Variants in EPC1 observed in about 807,000 individuals in gnomAD.
EPC1 encodes the protein enhancer of polycomb 1, also known as enhancer of polycomb homolog 1.
EPC1 carries 12 observed loss-of-function variants against 98.4 expected under a neutral mutation model. That is an observed-to-expected ratio of 0.12 (90% CI 0.08 to 0.20). The LOEUF (loss-of-function observed/expected upper bound fraction) is 0.20. Ranked by LOEUF, EPC1 falls within the 10% of genes least tolerant of loss-of-function variation. The pLI is 1.00. For synonymous variants in EPC1, 357 were observed against 363.9 expected (o/e 0.98, Z 0.21); for missense variants, 729 against 990.5 (o/e 0.74, Z 3.54).
At chr10:32,301,319 T>A (rs978468504) in intron 2 of EPC1, among the ~76,000 whole-genome samples, 2 of 152,206 alleles carry the variant, frequency 1.3e-5, no homozygotes, top group South Asian at 2.1e-4. Flanking sequence ...ATTGTGTTCA[T>A]GACCTGGAAG....
intron 2 of EPC1, among the ~76,000 whole-genome samples, chr10:32,295,714 A>T (rs577897495): frequency 1.3e-5 from 2 of 152,212 alleles, no homozygotes; most frequent in East Asian, 3.8e-4. Context: ...CGGCTAACTG[A>T]ATTTATATTA....
At position 32,268,463 on chromosome 10, in the gene EPC1, A is replaced by G. The variant is rs1446444595; in HGVS notation, c.*600T>C. On this transcript the variant is annotated 3_prime_UTR_variant, in exon 14 of 14. Coordinates refer to ENST00000319778, the MANE Select transcript of EPC1 (RefSeq NM_001272004.3). ...CCTTTTTTTTTTTTTTTTTTTTTGT[A>G]AAATTCTGTATGTATGTCACCATTT... 2.2e-5 allele frequency: 2 copies of G among 91,464 alleles called. No individual in the cohort carries two copies. The highest frequency in any genetic ancestry group is 1.2e-4 in the Admixed American group (1 of 8,180). The allele number at this position is 91,464 out of a possible 1,614,324, so 5.7% of individuals were successfully genotyped here.
chr10:32,343,694 T>G (rs1057347513), intron 1 of EPC1, among the ~76,000 whole-genome samples: 13 of 142,868 alleles, frequency 9.1e-5, no homozygotes, highest in East Asian at 4.1e-4. Flanking sequence ...CAAATTATTT[T>G]GGGGGGGGGG....
chr10:32,338,033 A>AC (rs1200383582), intron 1 of EPC1, among the ~76,000 whole-genome samples: 1 of 152,166 alleles, frequency 6.6e-6, no homozygotes, highest in East Asian at 1.9e-4. Context: ...AGACTCTCAG[A>AC]TTTATAGGAC....
At chr10:32,279,911 A>G (rs1187848932) in intron 10 of EPC1, among the ~76,000 whole-genome samples, 1 of 152,146 alleles carries the variant, frequency 6.6e-6, no homozygotes. Context: ...CCAAAATTCC[A>G]TATACACATA....
intron 1 of EPC1, among the ~76,000 whole-genome samples, chr10:32,373,656 T>G (rs1839811547): frequency 6.6e-6 from 1 of 152,174 alleles, no homozygotes; most frequent in African/African-American, 2.4e-5. Flanking sequence ...TACAACAAGA[T>G]GAATAAGAGT....
chr10:32,302,672 G>T (rs565860087), intron 2 of EPC1, among the ~76,000 whole-genome samples: 4 of 150,312 alleles, frequency 2.7e-5, no homozygotes, highest in South Asian at 2.1e-4. Flanking sequence ...AAAGGAGGGT[G>T]GGGGAGCGGC....
At chr10:32,351,876 G>A (rs986369123), upstream of EPC1, among the ~76,000 whole-genome samples, 1 of 147,716 alleles carries the variant, frequency 6.8e-6, no homozygotes, top group Non-Finnish European at 1.5e-5. Flanking sequence ...GATTACAAGT[G>A]TGCGCCATCA....
intron 1 of EPC1, among the ~76,000 whole-genome samples, chr10:32,344,267 T>G (rs1838593726): frequency 6.6e-6 from 1 of 152,258 alleles, no homozygotes; most frequent in African/African-American, 2.4e-5. Context: ...ACCACAGGAC[T>G]GTAAAGCAGC....
intron 1 of EPC1, among the ~76,000 whole-genome samples, chr10:32,372,510 T>C (rs1246879287): frequency 1.3e-5 from 2 of 152,248 alleles, no homozygotes; most frequent in Non-Finnish European, 2.9e-5. Flanking sequence ...TTCTTTTCCC[T>C]GTAAAAATTT....
chr10:32,378,508 A>G, exon 1 of EPC1: 2 of 1,543,926 alleles, frequency 1.3e-6, no homozygotes, highest in Non-Finnish European at 1.8e-6. Flanking sequence ...GCAGGCAAAG[A>G]AGACGGCAGT....
At chr10:32,316,898 C>G (rs193083173) in intron 1 of EPC1, among the ~76,000 whole-genome samples, 61 of 152,278 alleles carry the variant, frequency 4.0e-4, no homozygotes, top group African/African-American at 1.4e-3. Context: ...GTGTAATTTA[C>G]TTTAAATGCC....
chr10:32,319,390 TTG>T (rs1428199225), intron 1 of EPC1, among the ~76,000 whole-genome samples: 1 of 152,130 alleles, frequency 6.6e-6, no homozygotes, highest in Non-Finnish European at 1.5e-5. Flanking sequence ...GATTGCTTAT[TTG>T]TTGTAAGGGA....
rs145378154 is a variant in EPC1 at position 32,297,375 on chromosome 10, G to A, written c.314-3638C>T. 3.6e-3 allele frequency among the ~76,000 whole-genome samples: 547 copies of A among 150,478 alleles called. 5 individuals are homozygous for A. Among genetic ancestry groups the A allele is most frequent in the African/African-American group, 0.013 (519 of 40,988 alleles). On this transcript the variant is annotated intron_variant, in intron 2 of 13. Transcript: ENST00000319778. The stretch of plus-strand genomic sequence containing the variant: ...TAGCTCACTGCAACCTCCGCCTCTC[G>A]GGTTCAAGCGATATTCCTGCCTCAC...
chr10:32,314,205 T>C (rs1295085877), intron 1 of EPC1, among the ~76,000 whole-genome samples: 1 of 152,220 alleles, frequency 6.6e-6, no homozygotes, highest in East Asian at 1.9e-4. Flanking sequence ...AGATGAACCA[T>C]AGCTTATAAT....
chr10:32,338,898 A>G (rs1838145445), intron 1 of EPC1, among the ~76,000 whole-genome samples: 1 of 151,632 alleles, frequency 6.6e-6, no homozygotes, highest in African/African-American at 2.4e-5. Flanking sequence ...AGATCACACC[A>G]CTACACTCCA....
At chr10:32,324,583 C>T (rs1218561024) in intron 1 of EPC1, among the ~76,000 whole-genome samples, 1 of 151,218 alleles carries the variant, frequency 6.6e-6, no homozygotes, top group Non-Finnish European at 1.5e-5. Context: ...CTCTTATTTA[C>T]TTAATAAATA....
At chr10:32,336,608 T>A (rs551834660) in intron 1 of EPC1, among the ~76,000 whole-genome samples, 1 of 152,268 alleles carries the variant, frequency 6.6e-6, no homozygotes, top group Non-Finnish European at 1.5e-5. Context: ...CTCTGAAGGT[T>A]CTCCCTCACT....
chr10:32,290,752 T>C (rs1156922348), intron 6 of EPC1, among the ~76,000 whole-genome samples: 1 of 151,596 alleles, frequency 6.6e-6, no homozygotes, highest in Non-Finnish European at 1.5e-5. Flanking sequence ...TACATTAAGG[T>C]GGGGTATATA....
Sources: gnomAD v4.1 joint callset for allele counts (sites outside exome capture counted in the v4.1 genomes callset) on GRCh38, gnomAD v4.1.1 for gene constraint, MANE v1.5 for transcripts, NCBI Gene and HGNC (gene_info 2026-07-23, HGNC 2026-07-21) for gene names.